The following ZMIZ2 variants were observed in gnomAD, a reference collection of about 807,000 sequenced individuals.
ZMIZ2 encodes zinc finger MIZ domain-containing protein 2.
Under a neutral mutation model 93.9 loss-of-function variants are expected in ZMIZ2, and 26 were observed. The ratio of observed to expected loss-of-function variants is 0.28; its 90% CI spans 0.20 to 0.38. The LOEUF is 0.38. ZMIZ2 is among the 10% of genes least tolerant of loss of function. The pLI, the probability that ZMIZ2 is intolerant of heterozygous loss-of-function variation, is 1.00. For synonymous variants in ZMIZ2, 485 were observed against 516.4 expected, an observed-to-expected ratio of 0.94 and a Z score of 0.82; for missense variants, 1,023 against 1,235.0, an observed-to-expected ratio of 0.83 and a Z score of 2.57.
chr7:44,751,261 G>A (rs1790120689), intron 1 of ZMIZ2, among the ~76,000 whole-genome samples: 1 of 152,202 alleles, frequency 6.6e-6, no homozygotes, highest in Non-Finnish European at 1.5e-5. Flanking sequence ...CTAGATCTGA[G>A]GTTCTCAAAC....
Position 44,759,371 on chromosome 7 carries a change from T to C in ZMIZ2, c.904T>C (p.Ser302Pro). The change falls in exon 7 of 19, where the codon TCC becomes CCC. Residue 302 changes from serine (S) to proline (P), a missense_variant. By Grantham distance (74) the Ser-to-Pro change is moderately conservative. Transcript: ENST00000309315. ...APSPGQPPAP[S>P]PSYPGHRLPL... ...CAGCCCTGGGCAGCCCCCTGCCCCC[T>C]CCCCTTCCTACCCTGGGCACAGGCT... The C allele has an allele frequency of 6.2e-7, 1 of 1,604,326 alleles. No individual in the cohort carries two copies. Among genetic ancestry groups the C allele is most frequent in the South Asian group, 1.1e-5 (1 of 89,740 alleles).
At chr7:44,760,821 C>T (rs919437913) in intron 9 of ZMIZ2, among the ~76,000 whole-genome samples, 4 of 147,404 alleles carry the variant, frequency 2.7e-5, no homozygotes, top group African/African-American at 5.1e-5. Flanking sequence ...TGCACTTCAA[C>T]CTGGGTCCCA....
chr7:44,764,387 G>A lies in ZMIZ2; in HGVS notation c.1861-32G>A, dbSNP rs572846176. 7 of 1,611,520 alleles carry A rather than the reference G, an allele frequency of 4.3e-6. No homozygotes were observed. In the African/African-American group the frequency reaches 8.0e-5, roughly 18 times the overall value. On this transcript the variant is annotated intron_variant, in intron 13 of 18. Transcript: ENST00000309315. Reference sequence around the variant, plus strand: ...AGATTTTCCCTGTGCTACCCACAATGAGAAACTGACTTTCTTCCCATCTCT... The same window carrying A: ...AGATTTTCCCTGTGCTACCCACAATAAGAAACTGACTTTCTTCCCATCTCT...
intron 7 of ZMIZ2, chr7:44,759,939 T>C (rs1791000475): frequency 8.3e-6 from 5 of 601,960 alleles, no homozygotes; most frequent in Middle Eastern, 3.0e-4. Context: ...GGAGGAGGGC[T>C]TAGCGTGCTT....
At chr7:44,756,325 C>T in intron 2 of ZMIZ2, 26 bp downstream of exon 2, 1 of 1,613,962 alleles carries the variant, frequency 6.2e-7, no homozygotes, top group Non-Finnish European at 8.5e-7. Context: ...TCTGCCCACC[C>T]CTCAGGCCCT....
Position 44,766,003 on chromosome 7 carries a change from A to G in ZMIZ2, c.2243-161A>G. ...GGCCAATTCCCTTGGCAGCAATGAGAAGAAATGCCCTTTTCCAAATAGCGA... is the reference window on the plus strand; with the variant it reads ...GGCCAATTCCCTTGGCAGCAATGAGGAGAAATGCCCTTTTCCAAATAGCGA... On this transcript the variant is annotated intron_variant, in intron 16 of 18. Transcript: ENST00000309315. This position sits in a 1 kb window ranked among gnomAD's most constrained non-coding sequence, Gnocchi z 4.4. 1 of 1,414,104 alleles carries G rather than the reference A, an allele frequency of 7.1e-7. No homozygotes were observed. The highest frequency in any genetic ancestry group is 2.6e-5 in the East Asian group (1 of 38,086). 87.6% of individuals were successfully genotyped at this position (1,414,104 alleles called of 1,614,324 possible).
chr7:44,759,218 C>A, intron 6 of ZMIZ2, 63 bp from the exon 7 acceptor site: 6 of 1,396,512 alleles, frequency 4.3e-6, no homozygotes, highest in Non-Finnish European at 5.7e-6. Flanking sequence ...GACTCTACTT[C>A]CTTCTGGAAC....
chr7:44,760,256 C>T (rs764236070), intron 8 of ZMIZ2, 28 bp downstream of exon 8: 34 of 1,601,272 alleles, frequency 2.1e-5, no homozygotes, highest in South Asian at 8.9e-5. Flanking sequence ...GAGGATGGGC[C>T]GGGAGGCTCA....
chr7:44,766,207 ACCCACCACG>A lies in ZMIZ2; in HGVS notation c.2291_2299del (p.Thr764_Pro766del). The A allele has an allele frequency of 9.8e-7, 1 of 1,017,476 alleles. No individual in the cohort carries two copies. The allele number at this position is 1,017,476 out of a possible 1,614,324, so 63.0% of individuals were successfully genotyped here. A position where few individuals can be genotyped will look rare whatever the true frequency, so the allele number is the denominator to read the frequency against. ...CTGGAACTTTCCCTGAGTCCTTCCC[ACCCACCACG>A]CCCAGCACCCCAACCCTTGCTGAGT... On this transcript the variant is annotated inframe_deletion, in exon 17 of 19. Coordinates refer to ENST00000309315, the MANE Select transcript of ZMIZ2 (RefSeq NM_031449.4). This position sits in a 1 kb window ranked among gnomAD's most constrained non-coding sequence, Gnocchi z 4.4.
At chr7:44,754,528 C>G (rs1790429076) in intron 1 of ZMIZ2, among the ~76,000 whole-genome samples, 1 of 152,204 alleles carries the variant, frequency 6.6e-6, no homozygotes, top group East Asian at 1.9e-4. Context: ...CAGAGCTCAG[C>G]TCTACTTCTC....
rs562597940 is a variant in ZMIZ2, at chr7:44,752,151, T to C, written c.-63+3160T>C. Among the ~76,000 whole-genome samples the C allele has an allele frequency of 1.5e-4, 23 of 151,446 alleles. No homozygotes were observed. In the East Asian group the frequency reaches 4.3e-3, roughly 28 times the overall value. ...TGCCTTCTATTTTTTTTTTTTGAGA[T>C]GGAGTTTCACTCTTGCTGCCCAGGC... On this transcript the variant is annotated intron_variant, in intron 1 of 18. Transcript: ENST00000309315.
intron 6 of ZMIZ2, 41 bp downstream of exon 6, chr7:44,758,149 A>G (rs764548561): frequency 1.3e-6 from 2 of 1,489,280 alleles, no homozygotes; most frequent in East Asian, 2.4e-5. Flanking sequence ...TTGGGTACCA[A>G]CTCCCTCACC....
chr7:44,767,417 C>A, intron 18 of ZMIZ2, 99 bp from the exon 19 acceptor site: 1 of 1,059,106 alleles, frequency 9.4e-7, no homozygotes, highest in Non-Finnish European at 1.4e-6. Context: ...AGCATCCCCA[C>A]TGTGCCTGGA....
In ZMIZ2 at chr7:44,756,962, A is replaced by G. The variant is rs1401547148; in HGVS notation, c.181A>G (p.Met61Val). Residue 61 changes from methionine (M) to valine (V), a missense_variant, in exon 4 of 19, where the codon ATG becomes GTG. Transcript: ENST00000309315. Reference protein sequence around the residue: ...ATQSQVLGNPMGPAGSPSGSS... With the variant: ...ATQSQVLGNPVGPAGSPSGSS... Reference sequence around the variant, plus strand: ...TTCCTCATAGGTTTTGGGGAACCCCATGGGCCCTGCAGGGAGTCCCTCTGG... The same window carrying G: ...TTCCTCATAGGTTTTGGGGAACCCCGTGGGCCCTGCAGGGAGTCCCTCTGG... The G allele has an allele frequency of 1.2e-6, 2 of 1,611,028 alleles. No individual in the cohort carries two copies. Among genetic ancestry groups the G allele is most frequent in the South Asian group, 1.1e-5 (1 of 90,780 alleles).
Position 44,756,420 on chromosome 7 carries a change from T to C in ZMIZ2, c.51-5T>C, listed in dbSNP as rs1790595800. 1.9e-6 allele frequency: 3 copies of C among 1,614,042 alleles called. No homozygotes were observed. The East Asian group carries it at 6.7e-5, about 36-fold the overall frequency. Reference sequence around the variant, plus strand: ...CCCAGGCCTCAGCAGCCTCTTTCCCTGCAGTGATGGTTCATTCGCATATGA... The same window carrying C: ...CCCAGGCCTCAGCAGCCTCTTTCCCCGCAGTGATGGTTCATTCGCATATGA... On this transcript the variant is annotated splice_polypyrimidine_tract_variant and splice_region_variant and intron_variant, in intron 2 of 18. Transcript: ENST00000309315.
chr7:44,763,429 A>G lies in ZMIZ2; in HGVS notation c.1860+16A>G. The G allele has an allele frequency of 6.2e-7, 1 of 1,613,074 alleles. No individual in the cohort carries two copies. Among genetic ancestry groups the G allele is most frequent in the Non-Finnish European group, 8.5e-7 (1 of 1,179,342 alleles). ...CCACATACAGGTAGGTGGTTACTGC[A>G]GAGTCTTGCCGGAATTTGCTGCTGC... On this transcript the variant is annotated intron_variant, in intron 13 of 18. Transcript: ENST00000309315. This position sits in a 1 kb window ranked among gnomAD's most constrained non-coding sequence, Gnocchi z 5.6.
rs992574017 is a variant in ZMIZ2, at chr7:44,763,705, C to A, written c.1860+292C>A. 2.5e-5 allele frequency: 10 copies of A among 397,094 alleles called. No homozygotes were observed. The highest frequency in any genetic ancestry group is 6.7e-4 in the Middle Eastern group (1 of 1,488). The allele number at this position is 397,094 out of a possible 1,614,324, so 24.6% of individuals were successfully genotyped here. ...AGGGTCCAGTCTTCCTGCCCTACCC[C>A]CAAGGGTGACCATCGTTAGCATCTG... On this transcript the variant is annotated intron_variant, in intron 13 of 18. Transcript: ENST00000309315. This position sits in a 1 kb window ranked among gnomAD's most constrained non-coding sequence, Gnocchi z 5.6.
At position 44,763,329 on chromosome 7, in the gene ZMIZ2, A is replaced by G; in HGVS notation, c.1776A>G (p.Thr592=). 2 of 1,614,138 alleles carry G rather than the reference A, an allele frequency of 1.2e-6. No individual in the cohort carries two copies. The highest frequency in any genetic ancestry group is 1.7e-6 in the Non-Finnish European group (2 of 1,180,014). ...ACGGAGAGGACGGGGTGGAGCAGACAGCTATCAAGGTGTCCCTGAAGTGCC... is the reference window on the plus strand; with the variant it reads ...ACGGAGAGGACGGGGTGGAGCAGACGGCTATCAAGGTGTCCCTGAAGTGCC... ...GPNGEDGVEQ[T]AIKVSLKCPI... The change falls in exon 13 of 19, where the codon ACA becomes ACG. Residue 592 remains threonine, a synonymous_variant. Transcript: ENST00000309315. This position sits in a 1 kb window ranked among gnomAD's most constrained non-coding sequence, Gnocchi z 5.6.
chr7:44,760,730 T>C, intron 9 of ZMIZ2, 137 bp downstream of exon 9: 12 of 1,133,012 alleles, frequency 1.1e-5, no homozygotes, highest in East Asian at 2.4e-5. Context: ...GGGCTGGGTG[T>C]GGTGGCTCAC....
Sources: gnomAD v4.1 joint callset for allele counts (sites outside exome capture counted in the v4.1 genomes callset) on GRCh38, gnomAD v4.1.1 for gene constraint, Gnocchi (gnomAD v3.1) non-coding constraint, MANE v1.5 for transcripts, NCBI Gene and HGNC (gene_info 2026-07-23, HGNC 2026-07-21) for gene names.